The following BICD1 variants were observed in gnomAD, a reference collection of about 807,000 sequenced individuals.
BICD1 encodes the protein protein bicaudal D homolog 1.
In BICD1, 35 loss-of-function variants were observed where a neutral mutation model predicts 92.5. The ratio of observed to expected loss-of-function variants is 0.38; its 90% CI spans 0.29 to 0.50. BICD1 has a LOEUF of 0.50. Among genes scored for constraint, BICD1 ranks in the 20% least tolerant of loss-of-function variants. The pLI, the probability that BICD1 is intolerant of heterozygous loss-of-function variation, is 0.93. For missense variants in BICD1, 950 were observed against 1,189.8 expected (o/e 0.80, Z 2.97); for synonymous variants, 429 against 465.1 (o/e 0.92, Z 1.00).
intron 1 of BICD1, among the ~76,000 whole-genome samples, chr12:32,182,278 CTTTTTT>C (rs759328721): frequency 3.7e-5 from 3 of 81,432 alleles, no homozygotes; most frequent in East Asian, 8.1e-4. Flanking sequence ...TTCTTTCTTT[CTTTTTT>C]TTTTTTTTTT....
intron 2 of BICD1, among the ~76,000 whole-genome samples, chr12:32,237,592 C>T (rs886858738): frequency 6.6e-6 from 1 of 152,124 alleles, no homozygotes; most frequent in African/African-American, 2.4e-5. Flanking sequence ...GAAGGCAATG[C>T]TCATTGAACA....
intron 1 of BICD1, among the ~76,000 whole-genome samples, chr12:32,123,027 G>A (rs573774898): frequency 2.0e-5 from 3 of 152,144 alleles, no homozygotes; most frequent in South Asian, 2.1e-4. Context: ...CCATATTTGC[G>A]GAGCCTACAT....
intron 1 of BICD1, among the ~76,000 whole-genome samples, chr12:32,117,319 A>G (rs917041833): frequency 1.3e-5 from 2 of 152,090 alleles, no homozygotes; most frequent in Non-Finnish European, 2.9e-5. Flanking sequence ...ATAATTTGAT[A>G]AGTTTATGTT....
intron 1 of BICD1, among the ~76,000 whole-genome samples, chr12:32,114,892 C>T (rs1941833038): frequency 6.6e-6 from 1 of 152,170 alleles, no homozygotes; most frequent in South Asian, 2.1e-4. Context: ...CCTTACTCAC[C>T]ATTTAGGGTT....
intron 8 of BICD1, among the ~76,000 whole-genome samples, chr12:32,348,722 A>G (rs1938728148): frequency 2.5e-5 from 1 of 40,038 alleles, no homozygotes. Context: ...GCTCACACAA[A>G]AATATATATA....
intron 2 of BICD1, among the ~76,000 whole-genome samples, chr12:32,278,109 A>G (rs1003012069): frequency 1.3e-5 from 2 of 152,194 alleles, no homozygotes; most frequent in East Asian, 1.9e-4. Context: ...ATGAAACAAT[A>G]TTTACCAGAG....
chr12:32,210,577 A>G (rs897085833), intron 1 of BICD1, among the ~76,000 whole-genome samples: 1 of 152,220 alleles, frequency 6.6e-6, no homozygotes, highest in African/African-American at 2.4e-5. Flanking sequence ...CTGGACTTAC[A>G]GTCACATCTA....
intron 1 of BICD1, among the ~76,000 whole-genome samples, chr12:32,130,053 G>A (rs1942484918): frequency 6.6e-6 from 1 of 152,096 alleles, no homozygotes. Context: ...TAGGAAAAAA[G>A]GACAAAGAGC....
intron 4 of BICD1, among the ~76,000 whole-genome samples, chr12:32,317,391 T>C (rs1948532897): frequency 6.6e-6 from 1 of 152,196 alleles, no homozygotes; most frequent in Admixed American, 6.5e-5. Context: ...TTTTTAATGA[T>C]CGCCATTCTA....
chr12:32,233,631 G>T (rs1170132584), intron 2 of BICD1, among the ~76,000 whole-genome samples: 1 of 138,400 alleles, frequency 7.2e-6, no homozygotes, highest in African/African-American at 2.6e-5. Flanking sequence ...TAAGAATAAA[G>T]ATCTGTGCAC....
chr12:32,278,562 T>A (rs792864), intron 2 of BICD1, among the ~76,000 whole-genome samples: 73,337 of 152,056 alleles, frequency 0.48, 17,737 homozygotes, highest in South Asian at 0.51. Flanking sequence ...CTAATAAAAA[T>A]TAACTAGCAG....
chr12:32,197,862 T>G lies in BICD1; in HGVS notation c.214-18385T>G, dbSNP rs548418464. Among the ~76,000 whole-genome samples the G allele has an allele frequency of 2.0e-5, 3 of 152,090 alleles. No homozygotes were observed. The South Asian group carries it at 6.2e-4, about 32-fold the overall frequency. ...AACCTTCACCTTTATCAACAAGCTG[T>G]GAGTGACTCTCCAGCACAAAGCTTT... is the stretch of plus-strand genomic sequence containing the variant. On this transcript the variant is annotated intron_variant, in intron 1 of 9. Coordinates refer to ENST00000652176, the MANE Select transcript of BICD1 (RefSeq NM_001714.4).
At chr12:32,319,651 C>T (rs1030959801) in intron 4 of BICD1, among the ~76,000 whole-genome samples, 3 of 150,354 alleles carry the variant, frequency 2.0e-5, no homozygotes, top group Non-Finnish European at 3.0e-5. Flanking sequence ...GATCTTGGAT[C>T]GCTGCAACCT....
At chr12:32,142,492 GTCTA>G (rs148705611) in intron 1 of BICD1, among the ~76,000 whole-genome samples, 38,705 of 88,506 alleles carry the variant, frequency 0.44, 5,710 homozygotes, top group Admixed American at 0.57. Flanking sequence ...CTATCTATTG[GTCTA>G]TCTATCTAGA....
At chr12:32,182,011 G>A (rs1427379003) in intron 1 of BICD1, among the ~76,000 whole-genome samples, 1 of 151,952 alleles carries the variant, frequency 6.6e-6, no homozygotes, top group Non-Finnish European at 1.5e-5. Flanking sequence ...CATTGCAGCT[G>A]CTTTTAATTA....
intron 1 of BICD1, among the ~76,000 whole-genome samples, chr12:32,141,910 C>G (rs986939309): frequency 6.6e-6 from 1 of 152,214 alleles, no homozygotes; most frequent in Non-Finnish European, 1.5e-5. Context: ...TCCCCAGAGC[C>G]TAGCACATAG....
intron 1 of BICD1, among the ~76,000 whole-genome samples, chr12:32,115,976 A>G (rs1037480068): frequency 4.6e-5 from 7 of 152,164 alleles, no homozygotes; most frequent in Admixed American, 1.3e-4. Flanking sequence ...TGAAATAGTT[A>G]GGATCTTATA....
intron 2 of BICD1, among the ~76,000 whole-genome samples, chr12:32,258,133 G>T (rs1398142654): frequency 1.3e-5 from 2 of 152,170 alleles, no homozygotes; most frequent in Non-Finnish European, 2.9e-5. Flanking sequence ...TGTACCAGTA[G>T]ACAGGCCCAA....
rs568697186 is a variant in BICD1, at chr12:32,231,461, C to T, written c.426+15002C>T. ...ACAAGACCCTGCCCCCTACCCCCTCCTCCAAAAAAAGCATATTTAAATATT... is the reference window on the plus strand; with the variant it reads ...ACAAGACCCTGCCCCCTACCCCCTCTTCCAAAAAAAGCATATTTAAATATT... On this transcript the variant is annotated intron_variant, in intron 2 of 9. Transcript: ENST00000652176. Among the ~76,000 whole-genome samples the T allele has an allele frequency of 3.9e-5, 6 of 152,036 alleles. No individual in the cohort carries two copies. In the South Asian group the frequency reaches 1.0e-3, roughly 26 times the overall value.
Sources: allele counts gnomAD v4.1 joint callset (sites outside exome capture counted in the v4.1 genomes callset), GRCh38; gene constraint gnomAD v4.1.1; transcripts MANE v1.5; gene names NCBI Gene and HGNC (gene_info 2026-07-23, HGNC 2026-07-21).